GRIP1: variants seen among roughly 807,000 people sequenced by gnomAD.
GRIP1 encodes the protein glutamate receptor-interacting protein 1.
In GRIP1, 45 loss-of-function variants were observed where a neutral mutation model predicts 129.9. The observed-to-expected ratio is 0.35, with a 90% CI of 0.27 to 0.44. The LOEUF (loss-of-function observed/expected upper bound fraction) is 0.44, where lower values mean the gene tolerates loss of function less well. GRIP1 is among the 20% of genes least tolerant of loss of function. The pLI, the probability that GRIP1 is intolerant of heterozygous loss-of-function variation, is 1.00. For synonymous variants in GRIP1, 530 were observed against 520.8 expected (o/e 1.02, Z -0.24); for missense variants, 1,196 against 1,396.8 (o/e 0.86, Z 2.29).
intron 1 of GRIP1, among the ~76,000 whole-genome samples, chr12:66,710,962 G>T (rs2035693450): frequency 6.6e-6 from 1 of 151,716 alleles, no homozygotes; most frequent in African/African-American, 2.4e-5. Context: ...AAAAATACTA[G>T]ATAATATGGT....
At chr12:66,647,133 GCAGTAACTGCC>G (rs1197462781) in intron 1 of GRIP1, among the ~76,000 whole-genome samples, 5 of 152,274 alleles carry the variant, frequency 3.3e-5, no homozygotes, top group Non-Finnish European at 7.4e-5. Flanking sequence ...CCTTATGAGT[GCAGTAACTGCC>G]CAGATGACCT....
intron 6 of GRIP1, among the ~76,000 whole-genome samples, chr12:66,516,720 G>A (rs894795423): frequency 6.6e-6 from 1 of 152,168 alleles, no homozygotes; most frequent in Non-Finnish European, 1.5e-5. Context: ...CTAGACACAT[G>A]AGAAGGGAAA....
At chr12:66,686,536 T>C (rs1355402324) in intron 1 of GRIP1, among the ~76,000 whole-genome samples, 1 of 152,224 alleles carries the variant, frequency 6.6e-6, no homozygotes, top group East Asian at 1.9e-4. Flanking sequence ...CAATAGGGCT[T>C]TGTACTACAA....
chr12:66,426,062 C>T (rs2057975912), intron 14 of GRIP1, among the ~76,000 whole-genome samples: 1 of 152,154 alleles, frequency 6.6e-6, no homozygotes, highest in African/African-American at 2.4e-5. Context: ...GACACCCCAT[C>T]ATGCCCTGCT....
intron 1 of GRIP1, chr12:67,035,695 CAAAAG>C (rs1330356418): frequency 6.6e-6 from 1 of 151,884 alleles, no homozygotes; most frequent in Non-Finnish European, 1.5e-5. Context: ...TACATAAAAA[CAAAAG>C]AGAGAGAGAA....
rs1257137800 is a variant in GRIP1 at position 66,377,028 on chromosome 12, T to C, written c.2767A>G (p.Met923Val). Residue 923 changes from methionine to valine, a missense_variant, in exon 22 of 25, where the codon ATG becomes GTG. This residue lies in a region of GRIP1 where 427 missense variants were observed against 463.3 expected (regional missense o/e 0.92). Coordinates refer to ENST00000359742, the MANE Select transcript of GRIP1 (RefSeq NM_001366722.1). ...KADRRVSLRNMTLLATIMSGS... is the reference protein window; with the variant it reads ...KADRRVSLRNVTLLATIMSGS... ...TAAAGGGTAGCTACCAAGAGAGTCATGTTTCTCAAAGACACACGCCTGTCA... is the reference window on the plus strand; with the variant it reads ...TAAAGGGTAGCTACCAAGAGAGTCACGTTTCTCAAAGACACACGCCTGTCA... 1.2e-6 allele frequency: 2 copies of C among 1,611,358 alleles called. No individual in the cohort carries two copies. Among genetic ancestry groups the C allele is most frequent in the Non-Finnish European group, 1.7e-6 (2 of 1,177,574 alleles).
At chr12:66,539,342 C>T in intron 3 of GRIP1, 119 bp from the exon 4 acceptor site, 7 of 1,309,382 alleles carry the variant, frequency 5.3e-6, no homozygotes, top group South Asian at 2.4e-5. Flanking sequence ...AGAAGGCTGA[C>T]AGCAGAAGTC....
rs1226917660 is a variant in GRIP1, at chr12:66,678,994, A to T, written c.-90T>A. ...AGCAGCATATGAATTCCTTGCGCAC[A>T]TACCAGGAGAAAGGTAGTCCCAGTG... On this transcript the variant is annotated 5_prime_UTR_variant, in exon 1 of 25. An upstream start codon of the reference 5' UTR is lost. Coordinates refer to ENST00000359742, the MANE Select transcript of GRIP1 (RefSeq NM_001366722.1). 23 of 1,602,160 alleles carry T rather than the reference A, an allele frequency of 1.4e-5. No individual in the cohort carries two copies. Among genetic ancestry groups the T allele is most frequent in the African/African-American group, 5.4e-5 (4 of 74,396 alleles).
chr12:66,879,119 A>G (rs1181130291), intron 1 of GRIP1, among the ~76,000 whole-genome samples: 1 of 152,006 alleles, frequency 6.6e-6, no homozygotes, highest in Non-Finnish European at 1.5e-5. Flanking sequence ...CCATGAAAGG[A>G]GGGAAGGAAA....
intron 1 of GRIP1, among the ~76,000 whole-genome samples, chr12:66,670,112 C>A (rs1351271516): frequency 2.0e-5 from 3 of 152,062 alleles, no homozygotes; most frequent in African/African-American, 7.2e-5. Flanking sequence ...TAGCTATGTC[C>A]ATTAGCATTG....
chr12:66,932,869 A>G (rs2041422204), intron 1 of GRIP1, among the ~76,000 whole-genome samples: 1 of 152,068 alleles, frequency 6.6e-6, no homozygotes, highest in Non-Finnish European at 1.5e-5. Flanking sequence ...GGGTTTCACC[A>G]TCTTGGCCAG....
intron 22 of GRIP1, among the ~76,000 whole-genome samples, chr12:66,375,211 A>G (rs1021810009): frequency 6.6e-6 from 1 of 152,206 alleles, no homozygotes; most frequent in Non-Finnish European, 1.5e-5. Context: ...ATATCTGATA[A>G]GAGAGGTTAA....
intron 1 of GRIP1, among the ~76,000 whole-genome samples, chr12:66,777,613 T>A (rs1345982444): frequency 2.6e-5 from 4 of 152,196 alleles, no homozygotes; most frequent in Non-Finnish European, 4.4e-5. Context: ...TTTACTGATG[T>A]AACCAAGTCC....
rs1672850369 is a variant in GRIP1 at position 66,379,184 on chromosome 12, C to A, written c.2621+96G>T. On this transcript the variant is annotated intron_variant, in intron 20 of 24. Transcript: ENST00000359742. The stretch of plus-strand genomic sequence containing the variant: ...TTATGGTGGCTTTAAGAAGCCCATA[C>A]TAACAATATGTGCTACTGGAAGTAC... The A allele has an allele frequency of 3.9e-6, 5 of 1,269,380 alleles. No individual in the cohort carries two copies. In the Admixed American group the frequency reaches 8.4e-5, roughly 21 times the overall value. The allele number at this position is 1,269,380 out of a possible 1,614,324, so 78.6% of individuals were successfully genotyped here.
At chr12:66,359,849 A>G (rs1011859283) in intron 23 of GRIP1, among the ~76,000 whole-genome samples, 6 of 152,192 alleles carry the variant, frequency 3.9e-5, no homozygotes, top group Non-Finnish European at 8.8e-5. Context: ...GTAGCAATGA[A>G]TTGTGCCATA....
intron 1 of GRIP1, among the ~76,000 whole-genome samples, chr12:67,006,273 A>G (rs1467252566): frequency 2.6e-5 from 4 of 152,168 alleles, no homozygotes; most frequent in African/African-American, 9.7e-5. Flanking sequence ...AACATTAAAC[A>G]AAAAAGCCAG....
chr12:66,842,019 C>A (rs529430687), intron 1 of GRIP1, among the ~76,000 whole-genome samples: 2 of 152,220 alleles, frequency 1.3e-5, no homozygotes, highest in Non-Finnish European at 2.9e-5. Flanking sequence ...TACCCTTGCC[C>A]CTATGCCCTC....
intron 15 of GRIP1, among the ~76,000 whole-genome samples, chr12:66,414,301 T>C (rs916914726): frequency 4.0e-5 from 6 of 151,782 alleles, no homozygotes; most frequent in African/African-American, 9.7e-5. Flanking sequence ...ACACCAACAA[T>C]AGGCAAGCAG....
intron 7 of GRIP1, among the ~76,000 whole-genome samples, chr12:66,504,112 T>A (rs562452566): frequency 2.0e-5 from 3 of 152,240 alleles, no homozygotes; most frequent in Admixed American, 2.0e-4. Flanking sequence ...AGAGGGGCAG[T>A]CTGAGAGTCA....
Sources: gnomAD v4.1 joint callset for allele counts (sites outside exome capture counted in the v4.1 genomes callset) on GRCh38, gnomAD v4.1.1 for gene constraint, gnomAD v4.1.1 regional missense constraint, MANE v1.5 for transcripts, NCBI Gene and HGNC (gene_info 2026-07-23, HGNC 2026-07-21) for gene names.